The following PARD3B variants were observed in gnomAD, a reference collection of about 807,000 sequenced individuals.
PARD3B encodes the protein partitioning defective 3 homolog B.
Under a neutral mutation model 130.2 loss-of-function variants are expected in PARD3B, and 103 were observed. The ratio of observed to expected loss-of-function variants is 0.79; its 90% CI spans 0.67 to 0.93. The LOEUF (loss-of-function observed/expected upper bound fraction) is 0.93, where lower values mean the gene tolerates loss of function less well. Among genes scored for constraint, PARD3B ranks in the 40% least tolerant of loss-of-function variants. PARD3B has a pLI of 0.00. For synonymous variants in PARD3B, 583 were observed against 553.2 expected (o/e 1.05, Z -0.76); for missense variants, 1,609 against 1,499.2 (o/e 1.07, Z -1.21).
chr2:205,066,376 T>C (rs1700378249), intron 4 of PARD3B, among the ~76,000 whole-genome samples: 1 of 152,198 alleles, frequency 6.6e-6, no homozygotes, highest in African/African-American at 2.4e-5. Flanking sequence ...ATTCTCACTC[T>C]CATGGAAGGC....
rs779161868 is a variant in PARD3B at position 204,686,161 on chromosome 2, TTG to T, written c.121-16_121-15del. ...TTTAACATAGATTAGGTCATTAAAC[TTG>T]TGTTTGTTCTACTATAGGGTCCTGG... On this transcript the variant is annotated intron_variant, in intron 1 of 22. Transcript: ENST00000406610. 1 of 1,514,602 alleles carries T rather than the reference TTG, an allele frequency of 6.6e-7. No homozygotes were observed. The highest frequency in any genetic ancestry group is 1.1e-5 in the South Asian group (1 of 88,696). 93.8% of individuals were successfully genotyped at this position (1,514,602 alleles called of 1,614,324 possible).
Position 205,045,582 on chromosome 2 carries a change from A to G in PARD3B, c.395-1999A>G, listed in dbSNP as rs55975159. Reference sequence around the variant, plus strand: ...ATTATTATAAAATTATATCTTAAATATTTTAGTGTGTTATTATTTAAAAAG... The same window carrying G: ...ATTATTATAAAATTATATCTTAAATGTTTTAGTGTGTTATTATTTAAAAAG... On this transcript the variant is annotated intron_variant, in intron 3 of 22. Coordinates refer to ENST00000406610, the MANE Select transcript of PARD3B (RefSeq NM_001302769.2). 1.5e-3 allele frequency among the ~76,000 whole-genome samples: 232 copies of G among 152,110 alleles called. 1 individual carries two copies. The highest frequency in any genetic ancestry group is 5.2e-3 in the African/African-American group (215 of 41,530).
intron 1 of PARD3B, among the ~76,000 whole-genome samples, chr2:204,589,276 A>G (rs902968957): frequency 6.6e-6 from 1 of 152,176 alleles, no homozygotes; most frequent in African/African-American, 2.4e-5. Flanking sequence ...GCCTTGGCAA[A>G]TAGATATTGG....
rs2054121770 is a variant in PARD3B, at chr2:205,584,521, T to C, written c.3261-30935T>C. Among the ~76,000 whole-genome samples, 1 of 151,712 alleles carries C rather than the reference T, an allele frequency of 6.6e-6. No individual in the cohort carries two copies. Among genetic ancestry groups the C allele is most frequent in the Non-Finnish European group, 1.5e-5 (1 of 67,922 alleles). On this transcript the variant is annotated intron_variant, in intron 22 of 22. Transcript: ENST00000406610. This position sits in a 1 kb window ranked among gnomAD's most constrained non-coding sequence, Gnocchi z 5.5. The stretch of plus-strand genomic sequence containing the variant: ...AGCGAAACCCCATCCCTACTAAAAA[T>C]ACAAAAATTAGCCGGGTGTGGTGGC...
chr2:204,981,062 C>G (rs1223679600), intron 3 of PARD3B, among the ~76,000 whole-genome samples: 1 of 152,028 alleles, frequency 6.6e-6, no homozygotes, highest in African/African-American at 2.4e-5. Flanking sequence ...AATACAAGGC[C>G]ACTATAAATT....
chr2:204,942,399 T>A lies in PARD3B; in HGVS notation c.223-22753T>A, dbSNP rs1204624190. Among the ~76,000 whole-genome samples, 4 of 152,166 alleles carry A rather than the reference T, an allele frequency of 2.6e-5. No homozygotes were observed. The East Asian group carries it at 7.7e-4, about 29-fold the overall frequency. On this transcript the variant is annotated intron_variant, in intron 2 of 22. Coordinates refer to ENST00000406610, the MANE Select transcript of PARD3B (RefSeq NM_001302769.2). ...AGTGATTTAGTATAAATTCCTTAGTTCCAGTCAGATAAATAAACCTTACCA... is the reference window on the plus strand; with the variant it reads ...AGTGATTTAGTATAAATTCCTTAGTACCAGTCAGATAAATAAACCTTACCA...
intron 2 of PARD3B, among the ~76,000 whole-genome samples, chr2:204,791,430 T>C (rs763472518): frequency 1.3e-5 from 2 of 152,228 alleles, no homozygotes; most frequent in Non-Finnish European, 2.9e-5. Flanking sequence ...CCTGGTGCAG[T>C]AGTAAGGAAA....
chr2:204,938,665 A>C (rs564798992), intron 2 of PARD3B, among the ~76,000 whole-genome samples: 1 of 152,366 alleles, frequency 6.6e-6, no homozygotes, highest in Admixed American at 6.5e-5. Context: ...ATTTTAAAAC[A>C]TACCATTCCT....
intron 18 of PARD3B, among the ~76,000 whole-genome samples, chr2:205,364,301 G>A (rs951887894): frequency 8.5e-5 from 13 of 152,182 alleles, no homozygotes; most frequent in South Asian, 4.2e-4. Flanking sequence ...ACTCATTTTC[G>A]GATTCTCCTC....
At chr2:205,073,320 A>G (rs1700853180) in intron 4 of PARD3B, among the ~76,000 whole-genome samples, 1 of 152,200 alleles carries the variant, frequency 6.6e-6, no homozygotes, top group South Asian at 2.1e-4. Flanking sequence ...GTGTTATTCT[A>G]TATAAAGAAG....
intron 10 of PARD3B, among the ~76,000 whole-genome samples, chr2:205,150,252 T>TGTGTGTGTGTGTGTGTGCGCGC (rs375301293): frequency 6.9e-6 from 1 of 145,780 alleles, no homozygotes; most frequent in African/African-American, 2.6e-5. Flanking sequence ...TGTGTGTGTG[T>TGTGTGTGTGTGTGTGTGCGCGC]GCACACACGC....
At chr2:205,299,149 A>G (rs2041897780) in intron 16 of PARD3B, among the ~76,000 whole-genome samples, 1 of 152,156 alleles carries the variant, frequency 6.6e-6, no homozygotes, top group African/African-American at 2.4e-5. Flanking sequence ...AAAGGTGTGT[A>G]TTGCTATTTC....
intron 15 of PARD3B, among the ~76,000 whole-genome samples, chr2:205,238,849 A>AAAAAATATATATAT (rs1273582854): frequency 3.9e-5 from 3 of 76,916 alleles, no homozygotes; most frequent in African/African-American, 5.3e-5. Flanking sequence ...AAAAAAAAAA[A>AAAAAATATATATAT]ATATATATAT....
At chr2:205,234,202 C>T (rs2038965143) in intron 15 of PARD3B, among the ~76,000 whole-genome samples, 1 of 152,112 alleles carries the variant, frequency 6.6e-6, no homozygotes. Context: ...TGCCTGTAAT[C>T]CCAGCACTTT....
rs750533392 is a variant in PARD3B at position 205,440,585 on chromosome 2, G to T, written c.2957G>T (p.Gly986Val). ...RAGPFGYPRD[G>V]HPLSPERDHL... ...GGACCATTTGGTTACCCTCGGGATG[G>T]CCATCCACTGTCTCCAGAAAGAGAC... Residue 986 changes from glycine to valine, a missense_variant, in exon 20 of 23, where the codon GGC becomes GTC. Coordinates refer to ENST00000406610, the MANE Select transcript of PARD3B (RefSeq NM_001302769.2). The surrounding 1 kb of genome is among the most constrained non-coding windows in gnomAD (Gnocchi z 4.2). 2 of 1,613,992 alleles carry T rather than the reference G, an allele frequency of 1.2e-6. No individual in the cohort carries two copies. Among genetic ancestry groups the T allele is most frequent in the South Asian group, 2.2e-5 (2 of 91,082 alleles).
At chr2:205,014,441 G>T (rs879463099) in intron 3 of PARD3B, among the ~76,000 whole-genome samples, 1 of 152,200 alleles carries the variant, frequency 6.6e-6, no homozygotes, top group South Asian at 2.1e-4. Context: ...CAGCCAAGGG[G>T]TGATATCTAA....
rs1031530518 is a variant in PARD3B at position 205,550,263 on chromosome 2, T to C, written c.3181-3061T>C. ...CTGTCTTCAACTCTCCCAGGTGGAC[T>C]TTGGAATTTCTTCCTGCGGACTCCC... is the stretch of plus-strand genomic sequence containing the variant. On this transcript the variant is annotated intron_variant, in intron 21 of 22. Transcript: ENST00000406610. The surrounding 1 kb of genome is among the most constrained non-coding windows in gnomAD (Gnocchi z 4.5). 2.0e-5 allele frequency among the ~76,000 whole-genome samples: 3 copies of C among 152,152 alleles called. No individual in the cohort carries two copies. The highest frequency in any genetic ancestry group is 2.9e-5 in the Non-Finnish European group (2 of 68,020).
chr2:205,104,318 G>A, intron 4 of PARD3B, 108 bp from the exon 5 acceptor site: 1 of 753,652 alleles, frequency 1.3e-6, no homozygotes, highest in Non-Finnish European at 2.3e-6. Context: ...AGAGCATACT[G>A]TATATATCCA....
chr2:204,557,402 C>T (rs930861048), intron 1 of PARD3B, among the ~76,000 whole-genome samples: 17 of 152,116 alleles, frequency 1.1e-4, no homozygotes, highest in African/African-American at 3.6e-4. Context: ...CATATTCCAC[C>T]ACATGTCCAG....
Sources: allele counts gnomAD v4.1 joint callset (sites outside exome capture counted in the v4.1 genomes callset), GRCh38; gene constraint gnomAD v4.1.1; non-coding constraint Gnocchi (gnomAD v3.1); transcripts MANE v1.5; gene names NCBI Gene and HGNC (gene_info 2026-07-23, HGNC 2026-07-21).